Variants in KRTCAP2 observed in about 807,000 individuals in gnomAD.
KRTCAP2 encodes keratinocyte associated protein 2.
A neutral mutation model predicts 16.5 loss-of-function variants in KRTCAP2; 10 were observed. The ratio of observed to expected loss-of-function variants is 0.60; its 90% CI spans 0.37 to 1.02. The LOEUF is 1.02. Ranked by LOEUF, KRTCAP2 falls within the 50% of genes least tolerant of loss-of-function variation. The pLI, the probability that KRTCAP2 is intolerant of heterozygous loss-of-function variation, is 0.01. For synonymous variants in KRTCAP2, 68 were observed against 69.8 expected, an observed-to-expected ratio of 0.97 and a Z score of 0.13; for missense variants, 152 against 159.6, an observed-to-expected ratio of 0.95 and a Z score of 0.26.
At chr1:155,173,067 C>T in intron 1 of KRTCAP2, 154 bp downstream of exon 1, 1 of 925,844 alleles carries the variant, frequency 1.1e-6, no homozygotes, top group East Asian at 2.6e-5. Flanking sequence ...TATTCCCCAG[C>T]CCCGGACACC....
intron 3 of KRTCAP2, chr1:155,172,289 A>C (rs1434099974): frequency 7.7e-7 from 1 of 1,303,130 alleles, no homozygotes; most frequent in South Asian, 1.6e-5. Flanking sequence ...AATAGATGCA[A>C]AACATCAGCC....
Position 155,172,747 on chromosome 1 carries a change from G to C in KRTCAP2, c.150C>G (p.Phe50Leu). ...ACTGCAGGGAGGATACAGTGAGCGA[G>C]AACACGAAGAGACCCGAACCAAGCA... The part of the protein sequence containing the change: ...GGLLGSGLFV[F>L]SLTAFNNLEN... Residue 50 changes from phenylalanine (F) to leucine (L), a missense_variant, in exon 2 of 5, where the codon TTC (phenylalanine) becomes TTG (leucine). By Grantham distance (22) the Phe-to-Leu change is conservative. Transcript: ENST00000295682. 1 of 1,614,200 alleles carries C rather than the reference G, an allele frequency of 6.2e-7. No homozygotes were observed. Among genetic ancestry groups the C allele is most frequent in the Non-Finnish European group, 8.5e-7 (1 of 1,180,028 alleles).
rs764639348 is a variant in KRTCAP2, at chr1:155,169,438, G to A, written c.*2C>T. On this transcript the variant is annotated 3_prime_UTR_variant, in exon 5 of 5. Transcript: ENST00000295682. ...AGAATCAACTTTATTGAACATTCAG[G>A]GTCAGTTTCTCTTCTTGCTCTTGCC... 2 of 1,613,744 alleles carry A rather than the reference G, an allele frequency of 1.2e-6. No homozygotes were observed. Among genetic ancestry groups the A allele is most frequent in the South Asian group, 2.2e-5 (2 of 91,012 alleles).
rs1036579102 is a variant in KRTCAP2, at chr1:155,172,427, G to A, written c.223+138C>T. The A allele has an allele frequency of 1.3e-5, 20 of 1,522,430 alleles. No individual in the cohort carries two copies. The East Asian group carries it at 4.9e-4, about 37-fold the overall frequency. 94.3% of individuals were successfully genotyped at this position (1,522,430 alleles called of 1,614,324 possible). On this transcript the variant is annotated intron_variant, in intron 3 of 4. Coordinates refer to ENST00000295682, the MANE Select transcript of KRTCAP2 (RefSeq NM_173852.4). ...TATACAAGGTGCAGAATCGAAAAGC[G>A]TCATCTGTCTTCAGACAGCTTCAGT...
rs756382909 is a variant in KRTCAP2, at chr1:155,172,711, C to T, written c.159+27G>A. 2.5e-6 allele frequency: 4 copies of T among 1,614,148 alleles called. No individual in the cohort carries two copies. In the African/African-American group the frequency reaches 4.0e-5, roughly 16 times the overall value. ...GGGAAGGGCACATGCCTACGTGGCCCGCCCCCTCCAACTGCAGGGAGGATA... is the reference window on the plus strand; with the variant it reads ...GGGAAGGGCACATGCCTACGTGGCCTGCCCCCTCCAACTGCAGGGAGGATA... On this transcript the variant is annotated intron_variant, in intron 2 of 4. Transcript: ENST00000295682.
intron 3 of KRTCAP2, chr1:155,171,809 C>A: frequency 1.2e-6 from 1 of 840,806 alleles, no homozygotes; most frequent in Non-Finnish European, 1.4e-6. Context: ...GATCACATCC[C>A]TGCACTCCAG....
intron 2 of KRTCAP2, 42 bp from the exon 3 acceptor site, chr1:155,172,670 G>A (rs776627494): frequency 6.2e-7 from 1 of 1,613,966 alleles, no homozygotes; most frequent in Non-Finnish European, 8.5e-7. Context: ...AACGGGGACA[G>A]AGCTGTGTGG....
intron 1 of KRTCAP2, 77 bp from the exon 2 acceptor site, chr1:155,172,969 C>G: frequency 6.6e-7 from 1 of 1,506,850 alleles, no homozygotes; most frequent in South Asian, 1.2e-5. Flanking sequence ...TCAGCCGGTC[C>G]GGAAGCTCGG....
Position 155,169,513 on chromosome 1 carries a change from G to A in KRTCAP2, c.338C>T (p.Ser113Phe), listed in dbSNP as rs745987678. ...VGLYYINKIS[S>F]TLYQAAAPVL... ...TGGAGCTGCTGCCTGGTACAGGGTG[G>A]AGGAGATCTTGTTGATGTAGTACAG... Residue 113 changes from serine (S) to phenylalanine (F), a missense_variant, in exon 5 of 5, where the codon TCC (serine) becomes TTC (phenylalanine). Physicochemically the swap from Ser to Phe is radical, Grantham distance 155. Transcript: ENST00000295682. The A allele has an allele frequency of 1.9e-6, 3 of 1,614,104 alleles. No homozygotes were observed. Among genetic ancestry groups the A allele is most frequent in the Non-Finnish European group, 2.5e-6 (3 of 1,179,966 alleles).
At chr1:155,172,091 C>T (rs1665270965) in intron 3 of KRTCAP2, 2 of 996,336 alleles carry the variant, frequency 2.0e-6, no homozygotes, top group Admixed American at 1.1e-4. Context: ...AGGAAATAAT[C>T]TAACAGTTAT....
chr1:155,172,069 A>ATT lies in KRTCAP2; in HGVS notation c.223+494_223+495dup, dbSNP rs1006706192. 5 of 992,934 alleles carry ATT rather than the reference A, an allele frequency of 5.0e-6. No homozygotes were observed. In the African/African-American group the frequency reaches 8.7e-5, roughly 17 times the overall value. 61.5% of individuals were successfully genotyped at this position (992,934 alleles called of 1,614,324 possible). On this transcript the variant is annotated intron_variant, in intron 3 of 4. Transcript: ENST00000295682. The stretch of plus-strand genomic sequence containing the variant: ...TGATTACATGAGCAATTGAACAAGA[A>ATT]TTATTCCAAACAGGAAATAATCTAA...
intron 3 of KRTCAP2, 173 bp from the exon 4 acceptor site, chr1:155,170,030 G>C (rs1012784473): frequency 1.8e-5 from 10 of 544,256 alleles, no homozygotes; most frequent in Non-Finnish European, 2.0e-5. Context: ...CCAGAACATG[G>C]AGGTAGGAGG....
In KRTCAP2 at chr1:155,172,889, A is replaced by C. The variant is rs1422137408; in HGVS notation, c.8T>G (p.Val3Gly). Residue 3 changes from valine (V) to glycine (G), a missense_variant, in exon 2 of 5, where the codon GTG becomes GGG. Transcript: ENST00000295682. ...GAGCGCCAGCGAGGTGCCCGTACCC[A>C]CCACTGGAGGGGATGGGAGAAGGGA... is the stretch of plus-strand genomic sequence containing the variant. MV[V>G]GTGTSLALSS... The C allele has an allele frequency of 6.2e-7, 1 of 1,613,702 alleles. No homozygotes were observed. Among genetic ancestry groups the C allele is most frequent in the African/African-American group, 1.3e-5 (1 of 74,920 alleles).
At position 155,173,259 on chromosome 1, in the gene KRTCAP2, G is replaced by A. The variant is rs1665340198; in HGVS notation, c.-35C>T. The A allele has an allele frequency of 1.2e-6, 2 of 1,614,106 alleles. No homozygotes were observed. Among genetic ancestry groups the A allele is most frequent in the African/African-American group, 1.3e-5 (1 of 75,068 alleles). On this transcript the variant is annotated 5_prime_UTR_variant, in exon 1 of 5. Coordinates refer to ENST00000295682, the MANE Select transcript of KRTCAP2 (RefSeq NM_173852.4). ...CCCGTGAGTCCAACCGGCGCCTCTG[G>A]CCAAGAAAGGCGAGCTGAACCGGGT...
chr1:155,171,543 G>A, intron 3 of KRTCAP2: 9 of 984,828 alleles, frequency 9.1e-6, no homozygotes, highest in Non-Finnish European at 1.1e-5. Context: ...TGCGGAGAAA[G>A]CAAGTCCTAG....
rs1571716125 is a variant in KRTCAP2, at chr1:155,169,824, G to A, written c.257C>T (p.Ser86Phe). 6.3e-7 allele frequency: 1 copy of A among 1,596,428 alleles called. No homozygotes were observed. Among genetic ancestry groups the A allele is most frequent in the Non-Finnish European group, 8.5e-7 (1 of 1,170,856 alleles). Residue 86 changes from serine (S) to phenylalanine (F), a missense_variant, in exon 4 of 5, where the codon TCT becomes TTT. Ser to Phe is a radical substitution (Grantham distance 155). Coordinates refer to ENST00000295682, the MANE Select transcript of KRTCAP2 (RefSeq NM_173852.4). ...GACACAGACTCGGTGGATGAGGCCA[G>A]ATGCAAAGAGAGCCAACAGGAGGCA... ...LLCLLLALFASGLIHRVCVTT... is the reference protein window; with the variant it reads ...LLCLLLALFAFGLIHRVCVTT...
chr1:155,169,767 C>A, intron 4 of KRTCAP2, 24 bp downstream of exon 4: 1 of 1,577,986 alleles, frequency 6.3e-7, no homozygotes, highest in East Asian at 2.3e-5. Context: ...TGCTACACCC[C>A]TTACCCAGCT....
In KRTCAP2 at chr1:155,172,562, TACTC is replaced by T; in HGVS notation, c.222_223+2del. 1 of 1,614,262 alleles carries T rather than the reference TACTC, an allele frequency of 6.2e-7. No homozygotes were observed. The highest frequency in any genetic ancestry group is 1.1e-5 in the South Asian group (1 of 91,086). ...AAATACTCAAGCTCCAATATTCACT[TACTC>T]TCAGGGAAGATCTTTGCTTGGAATC... On this transcript the variant is annotated splice_donor_variant and coding_sequence_variant, in exon 3 of 5. Transcript: ENST00000295682. LOFTEE classifies it high-confidence loss of function.
rs1177080247 is a variant in KRTCAP2, at chr1:155,169,961, A to C, written c.224-104T>G. ...TCCGGGGCTCTCTGAATCCTGGGGA[A>C]CCTGCTTAGAAGGGTAAGCGTGACT... On this transcript the variant is annotated intron_variant, in intron 3 of 4. Coordinates refer to ENST00000295682, the MANE Select transcript of KRTCAP2 (RefSeq NM_173852.4). 9.4e-6 allele frequency: 7 copies of C among 743,280 alleles called. No homozygotes were observed. In the East Asian group the frequency reaches 1.9e-4, roughly 20 times the overall value. 46.0% of individuals were successfully genotyped at this position (743,280 alleles called of 1,614,324 possible).
Sources: allele counts gnomAD v4.1 joint callset, GRCh38; gene constraint gnomAD v4.1.1; transcripts MANE v1.5; gene names NCBI Gene and HGNC (gene_info 2026-07-23, HGNC 2026-07-21).